ARL13B: variants seen among roughly 807,000 people sequenced by gnomAD.
The protein encoded by ARL13B is ADP-ribosylation factor-like protein 13B.
A neutral mutation model predicts 56.1 loss-of-function variants in ARL13B; 36 were observed. The observed-to-expected ratio is 0.64, with a 90% CI of 0.49 to 0.85. The LOEUF is 0.85. Ranked by LOEUF, ARL13B falls within the 40% of genes least tolerant of loss-of-function variation. The pLI is 0.00. For synonymous variants in ARL13B, 178 were observed against 171.1 expected, an observed-to-expected ratio of 1.04 and a Z score of -0.32; for missense variants, 519 against 507.1, an observed-to-expected ratio of 1.02 and a Z score of -0.23.
chr3:93,996,345 A>G (rs1453806346), intron 2 of ARL13B, among the ~76,000 whole-genome samples: 1 of 152,308 alleles, frequency 6.6e-6, no homozygotes, highest in African/African-American at 2.4e-5. Flanking sequence ...GTTAGCCAGC[A>G]TAGTTCTCTT....
At chr3:94,046,162 T>C (rs1239940931) in intron 7 of ARL13B, among the ~76,000 whole-genome samples, 2 of 151,806 alleles carry the variant, frequency 1.3e-5, no homozygotes, top group African/African-American at 2.4e-5. Flanking sequence ...AGTATAAAGA[T>C]TGATACATTT....
intron 7 of ARL13B, among the ~76,000 whole-genome samples, chr3:94,048,775 C>T (rs1025756792): frequency 1.1e-4 from 16 of 151,654 alleles, no homozygotes; most frequent in African/African-American, 3.2e-4. Context: ...TTTTTTTCCC[C>T]CATAGAGATG....
In ARL13B at chr3:94,001,712, T is replaced by G. The variant is rs569012353; in HGVS notation, c.131-1947T>G. On this transcript the variant is annotated intron_variant, in intron 2 of 9. Coordinates refer to ENST00000394222, the MANE Select transcript of ARL13B (RefSeq NM_001174150.2). Reference sequence around the variant, plus strand: ...TTTGCACCCTTGATGCCTAACAAAGTCCTGGTACCAAGGAGGTGTTTGATA... The same window carrying G: ...TTTGCACCCTTGATGCCTAACAAAGGCCTGGTACCAAGGAGGTGTTTGATA... 4.4e-4 allele frequency among the ~76,000 whole-genome samples: 67 copies of G among 152,314 alleles called. 1 individual carries two copies. The South Asian group carries it at 0.013, about 30-fold the overall frequency.
intron 2 of ARL13B, among the ~76,000 whole-genome samples, chr3:93,999,508 C>T (rs1225962265): frequency 1.3e-5 from 2 of 151,962 alleles, no homozygotes; most frequent in African/African-American, 4.8e-5. Context: ...TTTGTATAGG[C>T]ATGCAAGGCA....
At chr3:94,031,535 T>C (rs1377107288) in intron 3 of ARL13B, among the ~76,000 whole-genome samples, 1 of 152,138 alleles carries the variant, frequency 6.6e-6, no homozygotes, top group African/African-American at 2.4e-5. Context: ...AGAGCCAACC[T>C]GAAGGGGACT....
At chr3:94,048,639 C>T (rs2077020147) in intron 7 of ARL13B, among the ~76,000 whole-genome samples, 1 of 151,690 alleles carries the variant, frequency 6.6e-6, no homozygotes, top group South Asian at 2.1e-4. Flanking sequence ...GTCACCAAAG[C>T]TGGATGGCAG....
chr3:94,022,319 T>C (rs904870851), intron 3 of ARL13B, among the ~76,000 whole-genome samples: 7 of 152,020 alleles, frequency 4.6e-5, no homozygotes, highest in African/African-American at 1.7e-4. Context: ...AGAGATGGGG[T>C]TTTACCATGT....
chr3:93,984,634 T>C (rs1474771836), intron 1 of ARL13B, among the ~76,000 whole-genome samples: 1 of 152,220 alleles, frequency 6.6e-6, no homozygotes, highest in Non-Finnish European at 1.5e-5. Context: ...AAACGTGTGT[T>C]GTTCAAGGAT....
At chr3:94,023,835 T>A (rs984946504) in intron 3 of ARL13B, among the ~76,000 whole-genome samples, 6 of 152,160 alleles carry the variant, frequency 3.9e-5, no homozygotes, top group African/African-American at 1.4e-4. Context: ...AAGAAAAAAT[T>A]TAGCAGGAGA....
rs149587888 is a variant in ARL13B at position 94,049,517 on chromosome 3, C to T, written c.1136C>T (p.Pro379Leu). The stretch of plus-strand genomic sequence containing the variant: ...AGTCCAACGCCACCCCCACCCCCTC[C>T]TCCTGGTGAGTAAATTGATACTGAT... ...PESPTPPPPP[P>L]PVGWGTPKVT... The change falls in exon 8 of 10, where the codon CCT becomes CTT. Residue 379 changes from proline to leucine, a missense_variant. By Grantham distance (98) the Pro-to-Leu change is moderately conservative (BLOSUM62 -3). Coordinates refer to ENST00000394222, the MANE Select transcript of ARL13B (RefSeq NM_001174150.2). 50 of 1,588,384 alleles carry T rather than the reference C, an allele frequency of 3.1e-5. No homozygotes were observed. The African/African-American group carries it at 5.4e-4, about 17-fold the overall frequency.
intron 3 of ARL13B, among the ~76,000 whole-genome samples, chr3:94,032,072 CTTAATTA>C (rs1437737056): frequency 6.6e-6 from 1 of 152,110 alleles, no homozygotes; most frequent in Non-Finnish European, 1.5e-5. Context: ...ACAAATGGGA[CTTAATTA>C]TTAAGTAAAA....
intron 2 of ARL13B, among the ~76,000 whole-genome samples, chr3:93,997,583 A>G (rs2075988332): frequency 6.6e-6 from 1 of 152,188 alleles, no homozygotes; most frequent in Non-Finnish European, 1.5e-5. Flanking sequence ...TGGTCAGCAA[A>G]CTTTTTCTGT....
chr3:94,025,826 G>C (rs2076544512), intron 3 of ARL13B, among the ~76,000 whole-genome samples: 1 of 152,022 alleles, frequency 6.6e-6, no homozygotes, highest in African/African-American at 2.4e-5. Context: ...TCCTGTCTTT[G>C]TATACAGATT....
chr3:94,031,536 G>A lies in ARL13B; in HGVS notation c.381-3795G>A, dbSNP rs534170444. On this transcript the variant is annotated intron_variant, in intron 3 of 9. Coordinates refer to ENST00000394222, the MANE Select transcript of ARL13B (RefSeq NM_001174150.2). The stretch of plus-strand genomic sequence containing the variant: ...ACCAAAAGGGTCCAAGAGCCAACCT[G>A]AAGGGGACTCCTGCTGCCTCAAAAT... 7.2e-5 allele frequency among the ~76,000 whole-genome samples: 11 copies of A among 152,282 alleles called. No individual in the cohort carries two copies. The South Asian group carries it at 1.9e-3, about 26-fold the overall frequency.
intron 7 of ARL13B, 136 bp downstream of exon 7, chr3:94,043,376 G>GGTAA: frequency 2.4e-6 from 2 of 822,776 alleles, no homozygotes; most frequent in Non-Finnish European, 3.8e-6. Context: ...TATTTACCAT[G>GGTAA]ATTTTCTCAA....
intron 3 of ARL13B, among the ~76,000 whole-genome samples, chr3:94,016,845 C>T (rs899346383): frequency 2.0e-5 from 3 of 152,028 alleles, no homozygotes; most frequent in Non-Finnish European, 4.4e-5. Flanking sequence ...CAGGGTTTCA[C>T]CATATTGGCC....
At chr3:94,005,271 A>G (rs2076115866) in intron 3 of ARL13B, among the ~76,000 whole-genome samples, 1 of 152,214 alleles carries the variant, frequency 6.6e-6, no homozygotes, top group South Asian at 2.1e-4. Flanking sequence ...AATAAGTTAC[A>G]TTATATATTA....
intron 8 of ARL13B, 54 bp downstream of exon 8, chr3:94,049,576 G>GGA: frequency 1.2e-6 from 1 of 800,086 alleles, no homozygotes; most frequent in South Asian, 2.2e-5. Context: ...AAACAACAGA[G>GGA]AAAAAAAAAA....
At position 94,055,604 on chromosome 3, in the gene ARL13B, A is replaced by G. The variant is rs1269785830; in HGVS notation, c.*2341A>G. On this transcript the variant is annotated 3_prime_UTR_variant, in exon 10 of 10. Coordinates refer to ENST00000394222, the MANE Select transcript of ARL13B (RefSeq NM_001174150.2). ...GAGGCTCTTGTGTGCCTTTATGTGT[A>G]AAATGCATATTACGTAGTATACATG... 4.4e-6 allele frequency: 2 copies of G among 453,960 alleles called. No homozygotes were observed. The highest frequency in any genetic ancestry group is 3.1e-5 in the South Asian group (2 of 64,472). The allele number at this position is 453,960 out of a possible 1,614,324, so 28.1% of individuals were successfully genotyped here. A position where few individuals can be genotyped will look rare whatever the true frequency, so the allele number is the denominator to read the frequency against.
Sources: allele counts gnomAD v4.1 joint callset (sites outside exome capture counted in the v4.1 genomes callset), GRCh38; gene constraint gnomAD v4.1.1; transcripts MANE v1.5; gene names NCBI Gene and HGNC (gene_info 2026-07-23, HGNC 2026-07-21).